AK7: variants seen among roughly 807,000 people sequenced by gnomAD.
AK7 encodes the protein ATP-AMP transphosphorylase 7.
A neutral mutation model predicts 96.6 loss-of-function variants in AK7; 78 were observed. That is an observed-to-expected ratio of 0.81 (90% CI 0.67 to 0.97). The LOEUF (loss-of-function observed/expected upper bound fraction) is 0.97. Among genes scored for constraint, AK7 ranks in the 50% least tolerant of loss-of-function variants. AK7 has a pLI of 0.00. For synonymous variants in AK7, 302 were observed against 317.2 expected (o/e 0.95, Z 0.51); for missense variants, 855 against 887.9 (o/e 0.96, Z 0.47).
chr14:96,412,226 C>CT lies in AK7; in HGVS notation c.498+3304dup, dbSNP rs34331496. ...TGGTACTTTCTTCCTTTCTTTCTTTCTTTTTTTTTTTTTTTTTTTGAGATG... is the reference window on the plus strand; with the variant it reads ...TGGTACTTTCTTCCTTTCTTTCTTTCTTTTTTTTTTTTTTTTTTTTGAGATG... On this transcript the variant is annotated intron_variant, in intron 4 of 17. Coordinates refer to ENST00000267584, the MANE Select transcript of AK7 (RefSeq NM_152327.5). Among the ~76,000 whole-genome samples, 543 of 120,970 alleles carry CT rather than the reference C, an allele frequency of 4.5e-3. 2 individuals carry two copies. Among genetic ancestry groups the CT allele is most frequent in the African/African-American group, 0.014 (433 of 31,588 alleles). 79.4% of individuals were successfully genotyped at this position (120,970 alleles called of 152,430 possible). A position where few individuals can be genotyped will look rare whatever the true frequency, so the allele number is the denominator to read the frequency against.
chr14:96,456,467 G>C lies in AK7; in HGVS notation c.1219G>C (p.Ala407Pro), dbSNP rs766117592. The C allele has an allele frequency of 6.2e-7, 1 of 1,613,458 alleles. No homozygotes were observed. Among genetic ancestry groups the C allele is most frequent in the Non-Finnish European group, 8.5e-7 (1 of 1,179,648 alleles). ...QLKDVISEAIAKLEAIVAPND... is the reference protein window; with the variant it reads ...QLKDVISEAIPKLEAIVAPND... Reference sequence around the variant, plus strand: ...GAAGGATGTCATTTCTGAAGCCATAGCAAAACTGGTAACACTTTAAACTAT... The same window carrying C: ...GAAGGATGTCATTTCTGAAGCCATACCAAAACTGGTAACACTTTAAACTAT... The change falls in exon 11 of 18, where the codon GCA (alanine) becomes CCA (proline). Residue 407 changes from alanine to proline, a missense_variant. By Grantham distance (27) the Ala-to-Pro change is conservative (BLOSUM62 -1). Coordinates refer to ENST00000267584, the MANE Select transcript of AK7 (RefSeq NM_152327.5).
At chr14:96,397,298 G>C (rs1890136591) in intron 1 of AK7, among the ~76,000 whole-genome samples, 1 of 151,680 alleles carries the variant, frequency 6.6e-6, no homozygotes, top group Non-Finnish European at 1.5e-5. Flanking sequence ...GCCAAGGCTG[G>C]AGTGCAATGG....
intron 5 of AK7, among the ~76,000 whole-genome samples, chr14:96,428,580 A>G (rs1396938265): frequency 6.6e-6 from 1 of 152,174 alleles, no homozygotes; most frequent in African/African-American, 2.4e-5. Flanking sequence ...AGTCCCACCA[A>G]CAGTGTAAAA....
At chr14:96,405,638 T>G (rs1047296650) in intron 3 of AK7, among the ~76,000 whole-genome samples, 4 of 152,066 alleles carry the variant, frequency 2.6e-5, no homozygotes, top group Admixed American at 1.3e-4. Flanking sequence ...AAGAGAAACT[T>G]TAACTCAACA....
In AK7 at chr14:96,408,880, G is replaced by A. The variant is rs1281525251; in HGVS notation, c.437G>A (p.Arg146Gln). The A allele has an allele frequency of 3.1e-6, 5 of 1,614,232 alleles. No individual in the cohort carries two copies. Among genetic ancestry groups the A allele is most frequent in the South Asian group, 2.2e-5 (2 of 91,088 alleles). ...GAAGAAGTCAGCCACTTTGAAAAGC[G>A]AAAGCTATTTATTTTACTGTCGACG... The part of the protein sequence containing the change: ...LSEEVSHFEK[R>Q]KLFILLSTVM... Residue 146 changes from arginine (R) to glutamine (Q), a missense_variant, in exon 4 of 18, where the codon CGA (arginine) becomes CAA (glutamine). Transcript: ENST00000267584.
chr14:96,400,698 A>G (rs1040958065), intron 2 of AK7, among the ~76,000 whole-genome samples: 2 of 152,234 alleles, frequency 1.3e-5, no homozygotes, highest in Admixed American at 6.5e-5. Context: ...GACGATGGAC[A>G]TTGCCAGCAG....
chr14:96,478,217 G>A (rs2140168719), intron 14 of AK7, among the ~76,000 whole-genome samples: 1 of 149,602 alleles, frequency 6.7e-6, no homozygotes, highest in South Asian at 2.1e-4. Context: ...GGAAGGAAGA[G>A]AGGGAGGGGG....
At chr14:96,402,754 G>A (rs73349249) in intron 2 of AK7, among the ~76,000 whole-genome samples, 3,949 of 151,404 alleles carry the variant, frequency 0.026, 188 homozygotes, top group African/African-American at 0.091. Context: ...ACCCCCAAGA[G>A]ATATATTGAA....
At chr14:96,447,647 C>G (rs1893321827) in intron 8 of AK7, among the ~76,000 whole-genome samples, 1 of 151,946 alleles carries the variant, frequency 6.6e-6, no homozygotes, top group South Asian at 2.1e-4. Context: ...GTTTTAGAGA[C>G]AGGGTCTTGC....
intron 17 of AK7, 184 bp from the exon 18 acceptor site, chr14:96,488,121 C>T: frequency 2.1e-6 from 1 of 475,344 alleles, no homozygotes; most frequent in South Asian, 2.4e-5. Flanking sequence ...CCATGTTGAC[C>T]AGGCTGGTCT....
chr14:96,424,006 G>A (rs1241165021), intron 5 of AK7: 5 of 813,158 alleles, frequency 6.1e-6, no homozygotes, highest in Non-Finnish European at 1.1e-5. Flanking sequence ...TGGAGCATCC[G>A]GGTCTGTCAA....
In AK7 at chr14:96,423,837, G is replaced by T. The variant is rs1276604902; in HGVS notation, c.609+2905G>T. 3.8e-6 allele frequency: 3 copies of T among 791,698 alleles called. No individual in the cohort carries two copies. The East Asian group carries it at 7.7e-5, about 20-fold the overall frequency. The allele number at this position is 791,698 out of a possible 1,614,324, so 49.0% of individuals were successfully genotyped here. A position where few individuals can be genotyped will look rare whatever the true frequency, so the allele number is the denominator to read the frequency against. Reference sequence around the variant, plus strand: ...AATTTGCCACGGTGGTCTCCGGAGCGGTTGCTGAGGATGGGCTCGTCACAT... The same window carrying T: ...AATTTGCCACGGTGGTCTCCGGAGCTGTTGCTGAGGATGGGCTCGTCACAT... On this transcript the variant is annotated intron_variant, in intron 5 of 17. Coordinates refer to ENST00000267584, the MANE Select transcript of AK7 (RefSeq NM_152327.5).
chr14:96,424,434 C>G (rs144088507), intron 5 of AK7, among the ~76,000 whole-genome samples: 2 of 152,226 alleles, frequency 1.3e-5, no homozygotes, highest in African/African-American at 2.4e-5. Flanking sequence ...CTTCAAGAGT[C>G]TCATAAACAA....
intron 1 of AK7, 106 bp downstream of exon 1, chr14:96,392,365 G>T (rs1181986436): frequency 2.0e-6 from 2 of 1,007,742 alleles, no homozygotes; most frequent in Non-Finnish European, 2.9e-6. Context: ...GCGCTGTCGG[G>T]GCCTTTCCTC....
At chr14:96,443,800 G>A (rs1229468489) in intron 7 of AK7, among the ~76,000 whole-genome samples, 1 of 108,146 alleles carries the variant, frequency 9.2e-6, no homozygotes, top group Admixed American at 9.2e-5. Flanking sequence ...TTGAGATGGA[G>A]TCTCACTCTG....
intron 8 of AK7, among the ~76,000 whole-genome samples, chr14:96,448,747 G>C (rs1893396602): frequency 6.6e-6 from 1 of 151,670 alleles, no homozygotes; most frequent in South Asian, 2.1e-4. Flanking sequence ...CTTGAGGTCA[G>C]GGGTTTGAGA....
intron 8 of AK7, among the ~76,000 whole-genome samples, 183 bp from the exon 9 acceptor site, chr14:96,449,619 A>T (rs1893465429): frequency 6.6e-6 from 1 of 152,162 alleles, no homozygotes; most frequent in Non-Finnish European, 1.5e-5. Flanking sequence ...TTTTTCGTAG[A>T]GACGGGGTTT....
chr14:96,432,144 C>A (rs563105298), intron 5 of AK7, among the ~76,000 whole-genome samples: 1 of 150,848 alleles, frequency 6.6e-6, no homozygotes, highest in Non-Finnish European at 1.5e-5. Flanking sequence ...TCCTATGCTC[C>A]GTTGAATAGG....
chr14:96,470,465 G>A (rs1894823087), intron 12 of AK7, among the ~76,000 whole-genome samples: 1 of 152,142 alleles, frequency 6.6e-6, no homozygotes, highest in Non-Finnish European at 1.5e-5. Flanking sequence ...CAATAATTAT[G>A]ATGGAGTGAT....
Sources: gnomAD v4.1 joint callset for allele counts (sites outside exome capture counted in the v4.1 genomes callset) on GRCh38, gnomAD v4.1.1 for gene constraint, MANE v1.5 for transcripts, NCBI Gene and HGNC (gene_info 2026-07-23, HGNC 2026-07-21) for gene names.